The following SYT12 variants were observed in gnomAD, a reference collection of about 807,000 sequenced individuals.
SYT12 encodes synaptotagmin 12.
In SYT12, 27 loss-of-function variants were observed where a neutral mutation model predicts 39.5. The ratio of observed to expected loss-of-function variants is 0.68; its 90% CI spans 0.50 to 0.94. SYT12 has a LOEUF of 0.94. Ranked by LOEUF, SYT12 falls within the 40% of genes least tolerant of loss-of-function variation. The probability of loss-of-function intolerance (pLI) is 0.00; values close to 1 mark genes in which losing one functional copy is unlikely to be tolerated. For synonymous variants in SYT12, 233 were observed against 239.7 expected (o/e 0.97, Z 0.26); for missense variants, 536 against 572.6 (o/e 0.94, Z 0.65).
At position 67,034,790 on chromosome 11, in the gene SYT12, G is replaced by A. The variant is rs149390549; in HGVS notation, c.180G>A (p.Arg60=). Reference sequence around the variant, plus strand: ...CTCCGTTCCCCAATTACGACTACAGGTACCTTCAGCAGAAGTACGGCGAGA... The same window carrying A: ...CTCCGTTCCCCAATTACGACTACAGATACCTTCAGCAGAAGTACGGCGAGA... ...SPSPFPNYDY[R]YLQQKYGESC... The change falls in exon 3 of 8, where the codon AGG becomes AGA. Residue 60 remains arginine (R), a synonymous_variant. Transcript: ENST00000527043. 341 of 1,593,630 alleles carry A rather than the reference G, an allele frequency of 2.1e-4. No individual in the cohort carries two copies. Among genetic ancestry groups the A allele is most frequent in the Non-Finnish European group, 2.8e-4 (333 of 1,172,704 alleles).
chr11:67,014,159 G>T (rs991763396), intron 3 of SYT12, among the ~76,000 whole-genome samples: 3 of 152,198 alleles, frequency 2.0e-5, no homozygotes, highest in African/African-American at 4.8e-5. Context: ...CATCTGCAAA[G>T]ACCCTATTTT....
chr11:67,040,638 G>T (rs1403450126), intron 4 of SYT12, among the ~76,000 whole-genome samples: 2 of 152,040 alleles, frequency 1.3e-5, no homozygotes, highest in African/African-American at 4.8e-5. Flanking sequence ...AGGAGATCGA[G>T]ACCATCCTGC....
intron 3 of SYT12, among the ~76,000 whole-genome samples, chr11:67,035,837 C>T (rs186519396): frequency 0.033 from 3,679 of 111,010 alleles, 399 homozygotes; most frequent in African/African-American, 0.14. Context: ...TTCCTTCCTT[C>T]CTTTCTTTCT....
In SYT12 at chr11:67,040,067, A is replaced by G. The variant is rs754869607; in HGVS notation, c.485A>G (p.Tyr162Cys). 8 of 1,613,860 alleles carry G rather than the reference A, an allele frequency of 5.0e-6. No homozygotes were observed. The Admixed American group carries it at 6.7e-5, about 13-fold the overall frequency. ...GGCCAGGTGGAGGTGAGCATGGAGT[A>G]CGACACTGCCTCCCACACGCTGAAC... ...TLGQVEVSME[Y>C]DTASHTLNVA... The change falls in exon 4 of 8, where the codon TAC becomes TGC. Residue 162 changes from tyrosine (Y) to cysteine (C), a missense_variant. Transcript: ENST00000527043.
chr11:67,020,784 A>G (rs1950101568), upstream of SYT12, among the ~76,000 whole-genome samples: 1 of 152,130 alleles, frequency 6.6e-6, no homozygotes. Flanking sequence ...GCTGGAGTGC[A>G]GTGGCGTGAT....
rs765807457 is a variant in SYT12 at position 67,048,675 on chromosome 11, G to A, written c.1184G>A (p.Gly395Asp). The A allele has an allele frequency of 1.2e-6, 2 of 1,612,898 alleles. No individual in the cohort carries two copies. Among genetic ancestry groups the A allele is most frequent in the South Asian group, 1.1e-5 (1 of 91,074 alleles). ...GTCATCATTGGGCCGTCAGCCAGTG[G>A]CATGGGAACCACACATTGGAACCAG... is the stretch of plus-strand genomic sequence containing the variant. ...GHVIIGPSAS[G>D]MGTTHWNQML... Residue 395 changes from glycine to aspartate, a missense_variant, in exon 8 of 8, where the codon GGC becomes GAC. Coordinates refer to ENST00000527043, the MANE Select transcript of SYT12 (RefSeq NM_177963.4).
chr11:67,040,190 T>C lies in SYT12; in HGVS notation c.608T>C (p.Val203Ala), dbSNP rs140299513. The C allele has an allele frequency of 1.0e-5, 16 of 1,576,062 alleles. No individual in the cohort carries two copies. Among genetic ancestry groups the C allele is most frequent in the African/African-American group, 1.3e-5 (1 of 74,462 alleles). Residue 203 changes from valine (V) to alanine (A), a missense_variant, in exon 4 of 8, where the codon GTG (valine) becomes GCG (alanine). Coordinates refer to ENST00000527043, the MANE Select transcript of SYT12 (RefSeq NM_177963.4). ...RVSLLPDEQIVGISRIQRNAY... is the reference protein window; with the variant it reads ...RVSLLPDEQIAGISRIQRNAY... ...AGCCTGCTGCCGGACGAGCAGATCG[T>C]GGGCATTTCTCGGGTAAGTGGGGCT...
chr11:67,017,584 A>G (rs1053818023), intron 3 of SYT12, among the ~76,000 whole-genome samples: 1 of 147,532 alleles, frequency 6.8e-6, no homozygotes, highest in African/African-American at 2.5e-5. Flanking sequence ...CTGGTCTCGA[A>G]CTCCTGACCT....
intron 1 of SYT12, among the ~76,000 whole-genome samples, chr11:67,008,057 G>A (rs770340583): frequency 6.6e-6 from 1 of 151,230 alleles, no homozygotes; most frequent in Non-Finnish European, 1.5e-5. Flanking sequence ...GGGTTCAAGC[G>A]GTTCTCCTGC....
intron 3 of SYT12, 106 bp from the exon 4 acceptor site, chr11:67,039,705 C>T (rs767182029): frequency 1.0e-5 from 14 of 1,382,138 alleles, no homozygotes; most frequent in Non-Finnish European, 1.4e-5. Context: ...GAAAGGGGAA[C>T]TTGGAGATTC....
At chr11:67,011,690 C>T (rs1318307866) in intron 3 of SYT12, among the ~76,000 whole-genome samples, 1 of 152,172 alleles carries the variant, frequency 6.6e-6, no homozygotes, top group African/African-American at 2.4e-5. Flanking sequence ...CTTGGACTGT[C>T]TTTTCCCACC....
At chr11:67,030,477 G>A in intron 2 of SYT12, 1 of 377,402 alleles carries the variant, frequency 2.6e-6, no homozygotes, top group South Asian at 4.8e-5. Context: ...CTGGGGATGA[G>A]CCTGTGACTC....
intron 3 of SYT12, among the ~76,000 whole-genome samples, chr11:67,035,371 G>A (rs569356634): frequency 6.7e-6 from 1 of 149,352 alleles, no homozygotes; most frequent in East Asian, 2.0e-4. Context: ...GCAGAGCAGG[G>A]CTACCCCATA....
At chr11:67,044,483 A>G in intron 5 of SYT12, 110 bp from the exon 6 acceptor site, 2 of 1,455,960 alleles carry the variant, frequency 1.4e-6, no homozygotes, top group Non-Finnish European at 1.8e-6. Flanking sequence ...CAGTGCAGCC[A>G]CTTCTCTATG....
chr11:67,030,093 C>T (rs1950236855), intron 1 of SYT12, 29 bp from the exon 2 acceptor site: 9 of 1,602,444 alleles, frequency 5.6e-6, no homozygotes, highest in Non-Finnish European at 7.7e-6. Context: ...CTCTGCAGCC[C>T]TCTCCTCTCA....
chr11:67,031,941 A>AGCAGG (rs1006982471), intron 2 of SYT12: 2 of 152,258 alleles, frequency 1.3e-5, no homozygotes, highest in African/African-American at 4.8e-5. Context: ...ACCAAGCCTT[A>AGCAGG]GCAGGGCGGG....
chr11:67,043,915 G>T, intron 5 of SYT12, 62 bp downstream of exon 5: 1 of 1,480,950 alleles, frequency 6.8e-7, no homozygotes. Context: ...CTTCCAGGAA[G>T]GGACTCCATC....
chr11:67,035,820 TCC>T (rs1158893370), intron 3 of SYT12, among the ~76,000 whole-genome samples: 1 of 86,276 alleles, frequency 1.2e-5, no homozygotes, highest in African/African-American at 5.6e-5. Context: ...CTTCCTTCCT[TCC>T]TTCCTTCCTT....
Position 67,044,584 on chromosome 11 carries a change from G to C in SYT12, c.838-9G>C. On this transcript the variant is annotated splice_polypyrimidine_tract_variant and intron_variant, in intron 5 of 7. Coordinates refer to ENST00000527043, the MANE Select transcript of SYT12 (RefSeq NM_177963.4). ...GAGAAGCCCTCTGAGCCACCTGTCT[G>C]TCCCCCAGGCCGCCGATGCTGTGGG... 6.2e-7 allele frequency: 1 copy of C among 1,611,662 alleles called. No individual in the cohort carries two copies. Among genetic ancestry groups the C allele is most frequent in the Non-Finnish European group, 8.5e-7 (1 of 1,179,116 alleles).
Sources: allele counts gnomAD v4.1 joint callset (sites outside exome capture counted in the v4.1 genomes callset), GRCh38; gene constraint gnomAD v4.1.1; transcripts MANE v1.5; gene names NCBI Gene and HGNC (gene_info 2026-07-23, HGNC 2026-07-21).